PLEKHA5: variants seen among roughly 807,000 people sequenced by gnomAD.
PLEKHA5 encodes the protein pleckstrin homology domain-containing family A member 5.
A neutral mutation model predicts 181.9 loss-of-function variants in PLEKHA5; 55 were observed. The ratio of observed to expected loss-of-function variants is 0.30; its 90% CI spans 0.24 to 0.38. PLEKHA5 has a LOEUF of 0.38. PLEKHA5 is among the 10% of genes least tolerant of loss of function. PLEKHA5 has a pLI of 1.00. For missense variants in PLEKHA5, 1,432 were observed against 1,549.5 expected (o/e 0.92, Z 1.27); for synonymous variants, 535 against 529.4 (o/e 1.01, Z -0.15).
At chr12:19,175,326 C>T (rs2046927708) in intron 3 of PLEKHA5, among the ~76,000 whole-genome samples, 1 of 152,000 alleles carries the variant, frequency 6.6e-6, no homozygotes, top group Admixed American at 6.6e-5. Context: ...TAAGGATGGC[C>T]ATTGAAATGT....
intron 3 of PLEKHA5, among the ~76,000 whole-genome samples, chr12:19,227,303 T>TTTTTTTTTTTC (rs1565489482): frequency 6.7e-6 from 1 of 149,816 alleles, no homozygotes; most frequent in Non-Finnish European, 1.5e-5. Context: ...TTTTTTTTTT[T>TTTTTTTTTTTC]CCCTCATGTC....
At chr12:19,358,585 C>G in intron 27 of PLEKHA5, 148 bp downstream of exon 27, 1 of 607,372 alleles carries the variant, frequency 1.6e-6, no homozygotes, top group Non-Finnish European at 2.9e-6. Context: ...TAAGCTAAGA[C>G]AGCTAAGTAA....
In PLEKHA5 at chr12:19,366,095, A is replaced by C; in HGVS notation, c.3740A>C (p.Asn1247Thr). 6.2e-7 allele frequency: 1 copy of C among 1,611,394 alleles called. No homozygotes were observed. Among genetic ancestry groups the C allele is most frequent in the African/African-American group, 1.3e-5 (1 of 74,930 alleles). The change falls in exon 30 of 32, where the codon AAT becomes ACT. Residue 1247 changes from asparagine (N) to threonine (T), a missense_variant. Transcript: ENST00000429027. ...YESTPEVSRG[N>T]QTMAVKSLSP... ...TCAACTCCTGAGGTTTCTAGAGGAA[A>C]TCAAACAATGGCAGGTAGGTAGTAT...
chr12:19,217,748 G>T (rs1349055647), intron 3 of PLEKHA5, among the ~76,000 whole-genome samples: 1 of 152,178 alleles, frequency 6.6e-6, no homozygotes, highest in Non-Finnish European at 1.5e-5. Context: ...TGAGAATATT[G>T]ATTGACCTTT....
chr12:19,270,459 A>G (rs547200690), intron 10 of PLEKHA5, among the ~76,000 whole-genome samples: 1 of 152,126 alleles, frequency 6.6e-6, no homozygotes, highest in African/African-American at 2.4e-5. Context: ...TTCGTCAAGC[A>G]TTTAGATTGT....
intron 25 of PLEKHA5, among the ~76,000 whole-genome samples, chr12:19,351,475 C>T (rs7307816): frequency 2.0e-5 from 3 of 151,940 alleles, no homozygotes; most frequent in South Asian, 2.1e-4. Flanking sequence ...GATATTAATA[C>T]GCTTTAACAT....
At chr12:19,330,590 A>T (rs1031434411) in intron 20 of PLEKHA5, among the ~76,000 whole-genome samples, 1 of 115,504 alleles carries the variant, frequency 8.7e-6, no homozygotes, top group Admixed American at 8.6e-5. Flanking sequence ...ATTATTTTTT[A>T]AAAAACTCCT....
At chr12:19,221,610 C>T (rs992725155) in intron 3 of PLEKHA5, among the ~76,000 whole-genome samples, 3 of 151,996 alleles carry the variant, frequency 2.0e-5, no homozygotes, top group Non-Finnish European at 2.9e-5. Flanking sequence ...AAGTAAAACC[C>T]GACCGTATGC....
At position 19,174,347 on chromosome 12, in the gene PLEKHA5, C is replaced by T. The variant is rs74813730; in HGVS notation, c.227+41897C>T. 7.9e-3 allele frequency among the ~76,000 whole-genome samples: 1,197 copies of T among 152,126 alleles called. 12 individuals carry two copies. The highest frequency in any genetic ancestry group is 0.027 in the African/African-American group (1,129 of 41,490). On this transcript the variant is annotated intron_variant, in intron 3 of 31. Coordinates refer to ENST00000429027, the MANE Select transcript of PLEKHA5 (RefSeq NM_001256470.2). ...TGTTAATTCTTTGAATATATTCGCT[C>T]TATGTGTATATTTCCCCAAGTTTCT... is the stretch of plus-strand genomic sequence containing the variant.
chr12:19,156,589 G>T lies in PLEKHA5; in HGVS notation c.227+24139G>T, dbSNP rs528910869. The stretch of plus-strand genomic sequence containing the variant: ...CTGTTTCTTAAAATAGAGCTCCCCA[G>T]CAGCAATTTTTCATTATATGGCCTC... On this transcript the variant is annotated intron_variant, in intron 3 of 31. Coordinates refer to ENST00000429027, the MANE Select transcript of PLEKHA5 (RefSeq NM_001256470.2). 3.3e-5 allele frequency among the ~76,000 whole-genome samples: 5 copies of T among 151,756 alleles called. No individual in the cohort carries two copies. In the South Asian group the frequency reaches 1.0e-3, roughly 32 times the overall value.
intron 3 of PLEKHA5, among the ~76,000 whole-genome samples, chr12:19,221,776 C>T (rs769360818): frequency 2.0e-5 from 3 of 151,894 alleles, no homozygotes; most frequent in Non-Finnish European, 4.4e-5. Context: ...GTCTGTAAGA[C>T]GAAAGACAAA....
chr12:19,361,773 C>T, intron 29 of PLEKHA5, 67 bp downstream of exon 29: 3 of 1,388,078 alleles, frequency 2.2e-6, no homozygotes, highest in Non-Finnish European at 3.0e-6. Context: ...TGGTGAACTT[C>T]AGAGTCAAAA....
At chr12:19,195,989 G>A (rs17322468) in intron 3 of PLEKHA5, among the ~76,000 whole-genome samples, 10,710 of 152,060 alleles carry the variant, frequency 0.07, 402 homozygotes, top group South Asian at 0.11. Context: ...ATGAGCATCT[G>A]GTGTTTGCCT....
chr12:19,158,813 A>G (rs1366313304), intron 3 of PLEKHA5, among the ~76,000 whole-genome samples: 1 of 151,998 alleles, frequency 6.6e-6, no homozygotes, highest in Non-Finnish European at 1.5e-5. Flanking sequence ...TTTATTAGTG[A>G]CTTAATTTTC....
At chr12:19,159,619 T>C (rs931109109) in intron 3 of PLEKHA5, among the ~76,000 whole-genome samples, 2 of 152,304 alleles carry the variant, frequency 1.3e-5, no homozygotes, top group Admixed American at 6.5e-5. Context: ...ATAATATTAC[T>C]TTCATGTATG....
intron 6 of PLEKHA5, among the ~76,000 whole-genome samples, chr12:19,258,954 G>A (rs538076872): frequency 1.2e-3 from 178 of 152,208 alleles, no homozygotes; most frequent in African/African-American, 4.2e-3. Flanking sequence ...GCAAAACTGA[G>A]CCTCATACCC....
chr12:19,290,346 A>G (rs1166870246), intron 13 of PLEKHA5, among the ~76,000 whole-genome samples: 1 of 152,212 alleles, frequency 6.6e-6, no homozygotes, highest in East Asian at 1.9e-4. Context: ...ATATCTTTTA[A>G]TAATTTTTTA....
intron 3 of PLEKHA5, chr12:19,152,335 G>A (rs1379652642): frequency 6.6e-6 from 1 of 152,138 alleles, no homozygotes; most frequent in Non-Finnish European, 1.5e-5. Flanking sequence ...GGACAACAGT[G>A]GAAGATTTTA....
chr12:19,312,072 G>A (rs1202761972), intron 15 of PLEKHA5, among the ~76,000 whole-genome samples: 1 of 152,150 alleles, frequency 6.6e-6, no homozygotes, highest in Non-Finnish European at 1.5e-5. Flanking sequence ...GGGTAACTAG[G>A]TTCATTGTCA....
Sources: gnomAD v4.1 joint callset for allele counts (sites outside exome capture counted in the v4.1 genomes callset) on GRCh38, gnomAD v4.1.1 for gene constraint, MANE v1.5 for transcripts, NCBI Gene and HGNC (gene_info 2026-07-23, HGNC 2026-07-21) for gene names.